Variants in MST1R observed in about 807,000 individuals in gnomAD.
MST1R encodes macrophage stimulating 1 receptor, also known as macrophage-stimulating protein receptor.
Under a neutral mutation model 117.8 loss-of-function variants are expected in MST1R, and 99 were observed. The observed-to-expected ratio is 0.84, with a 90% CI of 0.71 to 0.99. The LOEUF (loss-of-function observed/expected upper bound fraction) is 0.99, where lower values mean the gene tolerates loss of function less well. MST1R is among the 50% of genes least tolerant of loss of function. The pLI is 0.00. For missense variants in MST1R, 1,683 were observed against 1,840.2 expected, an observed-to-expected ratio of 0.91 and a Z score of 1.56; for synonymous variants, 734 against 765.3, an observed-to-expected ratio of 0.96 and a Z score of 0.68.
chr3:49,891,967 T>A (rs913849486), intron 14 of MST1R, 129 bp from the exon 15 acceptor site: 1 of 659,896 alleles, frequency 1.5e-6, no homozygotes, highest in Non-Finnish European at 2.5e-6. Context: ...TATTTTTAAT[T>A]TTTATTTATT....
Position 49,898,617 on chromosome 3 carries a change from C to A in MST1R, c.1620G>T (p.Trp540Cys), listed in dbSNP as rs747000944. Reference sequence around the variant, plus strand: ...CACACCAGCCACAGCCCATGAAATGCCATGCCCTTAGGCAACGCCCACAGG... The same window carrying A: ...CACACCAGCCACAGCCCATGAAATGACATGCCCTTAGGCAACGCCCACAGG... ...FLTCGRCLRA[W>C]HFMGCGWCGN... is the part of the protein sequence containing the mutation. The change falls in exon 4 of 20, where the codon TGG (tryptophan) becomes TGT (cysteine). Residue 540 changes from tryptophan to cysteine, a missense_variant. Transcript: ENST00000296474. The A allele has an allele frequency of 2.5e-6, 4 of 1,614,202 alleles. No individual in the cohort carries two copies. The highest frequency in any genetic ancestry group is 3.4e-6 in the Non-Finnish European group (4 of 1,180,042).
chr3:49,895,991 C>T lies in MST1R; in HGVS notation c.2766G>A (p.Leu922=). 1 of 1,585,286 alleles carries T rather than the reference C, an allele frequency of 6.3e-7. No individual in the cohort carries two copies. Among genetic ancestry groups the T allele is most frequent in the Non-Finnish European group, 8.6e-7 (1 of 1,165,480 alleles). ...DMVVCPLPPS[L]QLGQDGAPLQ... ...ATGGGGCACCATCCTGGCCAAGCTG[C>T]AGGGATGGGGGCAGGGGGCAGACAA... is the stretch of plus-strand genomic sequence containing the variant. The change falls in exon 11 of 20, where the codon CTG becomes CTA. Residue 922 remains leucine, a synonymous_variant. Transcript: ENST00000296474.
At chr3:49,889,601 GA>G (rs1429164404) in intron 19 of MST1R, among the ~76,000 whole-genome samples, 2 of 152,126 alleles carry the variant, frequency 1.3e-5, no homozygotes, top group Non-Finnish European at 2.9e-5. Flanking sequence ...ATCTTTCCTC[GA>G]GATTAAATGA....
rs960959457 is a variant in MST1R at position 49,903,868 on chromosome 3, T to G, written c.-259A>C. The stretch of plus-strand genomic sequence containing the variant: ...TCACCTGCCGCCCCAGCCGCCGCTG[T>G]ACACTGGCGCTTAGCGCTCAGCCGA... On this transcript the variant is annotated 5_prime_UTR_variant, in exon 1 of 20. Coordinates refer to ENST00000296474, the MANE Select transcript of MST1R (RefSeq NM_002447.4). The G allele has an allele frequency of 8.3e-6, 4 of 481,590 alleles. No homozygotes were observed. Among genetic ancestry groups the G allele is most frequent in the Non-Finnish European group, 1.1e-5 (3 of 277,324 alleles). 29.8% of individuals were successfully genotyped at this position (481,590 alleles called of 1,614,324 possible). A position where few individuals can be genotyped will look rare whatever the true frequency, so the allele number is the denominator to read the frequency against.
At position 49,897,580 on chromosome 3, in the gene MST1R, C is replaced by T; in HGVS notation, c.1986G>A (p.Met662Ile). 6.2e-7 allele frequency: 1 copy of T among 1,614,058 alleles called. No homozygotes were observed. Residue 662 changes from methionine (M) to isoleucine (I), a missense_variant, in exon 6 of 20, where the codon ATG becomes ATA. Physicochemically the swap from Met to Ile is conservative, Grantham distance 10. Transcript: ENST00000296474. Reference sequence around the variant, plus strand: ...CTACCCGGAAGTGCTTGCCCGGTGGCATGTTAGTCACGGTGAGGCTGACGT... The same window carrying T: ...CTACCCGGAAGTGCTTGCCCGGTGGTATGTTAGTCACGGTGAGGCTGACGT... Reference protein sequence around the residue: ...PTNVSLTVTNMPPGKHFRVDG... With the variant: ...PTNVSLTVTNIPPGKHFRVDG...
At chr3:49,898,014 C>T in intron 5 of MST1R, 37 bp downstream of exon 5, 1 of 1,613,836 alleles carries the variant, frequency 6.2e-7, no homozygotes, top group Non-Finnish European at 8.5e-7. Flanking sequence ...CTTGGTTTCC[C>T]CCTTCAGGGA....
At position 49,902,432 on chromosome 3, in the gene MST1R, C is replaced by G; in HGVS notation, c.1178G>C (p.Gly393Ala). Reference protein sequence around the residue: ...ERCCESPVHPGLRRGLDFFQS... With the variant: ...ERCCESPVHPALRRGLDFFQS... ...GAAGAAGTCGAGGCCTCGCCGGAGG[C>G]CTGGATGGACTGGGGATTCACAACA... The change falls in exon 1 of 20, where the codon GGC (glycine) becomes GCC (alanine). Residue 393 changes from glycine (G) to alanine (A), a missense_variant. Transcript: ENST00000296474. 5 of 1,614,172 alleles carry G rather than the reference C, an allele frequency of 3.1e-6. No homozygotes were observed. The highest frequency in any genetic ancestry group is 4.2e-6 in the Non-Finnish European group (5 of 1,180,040).
chr3:49,897,979 A>C, intron 5 of MST1R, 72 bp downstream of exon 5: 1 of 1,601,732 alleles, frequency 6.2e-7, no homozygotes, highest in Non-Finnish European at 8.5e-7. Context: ...TAAGCAGAGA[A>C]CAGGGTCTCA....
Position 49,899,161 on chromosome 3 carries a change from G to C in MST1R, c.1333C>G (p.Pro445Ala), listed in dbSNP as rs763900897. 5.6e-6 allele frequency: 9 copies of C among 1,614,134 alleles called. No individual in the cohort carries two copies. In the South Asian group the frequency reaches 9.9e-5, roughly 18 times the overall value. Residue 445 changes from proline to alanine, a missense_variant, in exon 2 of 20, where the codon CCA becomes GCA. Transcript: ENST00000296474. ...ACATACAATGCAGTGACCTGTACTG[G>C]TCCCAACAGCCCATTGAATAGGTCC... ...RVDLFNGLLG[P>A]VQVTALYVTR...
In MST1R at chr3:49,887,403, ATGCGAGG is replaced by A; in HGVS notation, c.4100_4106del (p.Thr1367MetfsTer3). ...GCTGTTCTGGACGCACATTCATCTC[ATGCGAGG>A]TGCTGGGGCCCAAGTTCATGTAGGT... On this transcript the variant is annotated frameshift_variant, in exon 20 of 20. Coordinates refer to ENST00000296474, the MANE Select transcript of MST1R (RefSeq NM_002447.4). LOFTEE classifies it low-confidence loss of function (END_TRUNC). The A allele has an allele frequency of 1.2e-6, 2 of 1,614,162 alleles. No individual in the cohort carries two copies. Among genetic ancestry groups the A allele is most frequent in the Non-Finnish European group, 1.7e-6 (2 of 1,179,992 alleles).
rs1422666716 is a variant in MST1R at position 49,891,477 on chromosome 3, T to C, written c.3456A>G (p.Pro1152=). The change falls in exon 16 of 20, where the codon CCA becomes CCG. Residue 1152 remains proline, a synonymous_variant. Transcript: ENST00000296474. The part of the protein sequence containing the change: ...NVLALIGIML[P]PEGLPHVLLP... ...GCAGCACATGGGGCAGGCCCTCAGG[T>C]GGCAACATGATACCAATGAGAGCCA... The C allele has an allele frequency of 4.3e-6, 7 of 1,613,912 alleles. No individual in the cohort carries two copies. The South Asian group carries it at 5.5e-5, about 13-fold the overall frequency.
chr3:49,894,777 C>A (rs971951228), intron 14 of MST1R, among the ~76,000 whole-genome samples: 6 of 151,398 alleles, frequency 4.0e-5, no homozygotes, highest in Non-Finnish European at 8.8e-5. Flanking sequence ...AAGGTTAGAG[C>A]AGTATCTGTT....
Position 49,896,619 on chromosome 3 carries a change from G to A in MST1R, c.2360C>T (p.Thr787Ile), listed in dbSNP as rs2082481374. 3 of 1,614,164 alleles carry A rather than the reference G, an allele frequency of 1.9e-6. No homozygotes were observed. Among genetic ancestry groups the A allele is most frequent in the Non-Finnish European group, 2.5e-6 (3 of 1,179,988 alleles). Reference sequence around the variant, plus strand: ...TGAAGTTAGATGCTGGCCACAGATGGTGATGTGGGAGTTGCTGTGGAAGAG... The same window carrying A: ...TGAAGTTAGATGCTGGCCACAGATGATGATGTGGGAGTTGCTGTGGAAGAG... ...PNCGYINSHI[T>I]ICGQHLTSAW... Residue 787 changes from threonine (T) to isoleucine (I), a missense_variant, in exon 9 of 20, where the codon ACC (threonine) becomes ATC (isoleucine). Thr to Ile is a moderately conservative substitution (Grantham distance 89). Transcript: ENST00000296474.
intron 2 of MST1R, 29 bp from the exon 3 acceptor site, chr3:49,899,024 G>A (rs2108475266): frequency 6.2e-7 from 1 of 1,614,134 alleles, no homozygotes; most frequent in Non-Finnish European, 8.5e-7. Context: ...GAGCAAAATG[G>A]GGATGGAGAC....
At chr3:49,887,888 T>C (rs2082209748) in intron 19 of MST1R, among the ~76,000 whole-genome samples, 1 of 152,238 alleles carries the variant, frequency 6.6e-6, no homozygotes, top group African/African-American at 2.4e-5. Flanking sequence ...GAAGTAGGCA[T>C]ATAGGCTGAT....
chr3:49,895,613 G>C, intron 12 of MST1R, 65 bp from the exon 13 acceptor site: 1 of 1,611,358 alleles, frequency 6.2e-7, no homozygotes, highest in Non-Finnish European at 8.5e-7. Flanking sequence ...CCTCTGGGGA[G>C]GACTTAGATC....
rs774518579 is a variant in MST1R, at chr3:49,903,030, C to T, written c.580G>A (p.Ala194Thr). 11 of 1,612,278 alleles carry T rather than the reference C, an allele frequency of 6.8e-6. No homozygotes were observed. The African/African-American group carries it at 1.3e-4, about 20-fold the overall frequency. ...GAGGATGCCACGTAGAAATAGGAGG[C>T]CTGGCCTTGCTCAACCACAGTTACA... ...TRVTVVEQGQ[A>T]SYFYVASSLD... The change falls in exon 1 of 20, where the codon GCC becomes ACC. Residue 194 changes from alanine to threonine, a missense_variant. Ala to Thr is a moderately conservative substitution (Grantham distance 58). Coordinates refer to ENST00000296474, the MANE Select transcript of MST1R (RefSeq NM_002447.4).
intron 12 of MST1R, 70 bp from the exon 13 acceptor site, chr3:49,895,618 T>G (rs2082440700): frequency 6.2e-7 from 1 of 1,611,600 alleles, no homozygotes; most frequent in African/African-American, 1.3e-5. Flanking sequence ...GGGGAGGACT[T>G]AGATCCCTAA....
Position 49,887,246 on chromosome 3 carries a change from G to T in MST1R, c.*61C>A. 6.3e-7 allele frequency: 1 copy of T among 1,591,342 alleles called. No individual in the cohort carries two copies. Among genetic ancestry groups the T allele is most frequent in the South Asian group, 1.1e-5 (1 of 87,358 alleles). On this transcript the variant is annotated 3_prime_UTR_variant, in exon 20 of 20. Transcript: ENST00000296474. ...GGGCCACTGCCCTCTGGCCTGGCAT[G>T]GCCCAGAGGCAGCTTGGGGTTAGCT...
Sources: allele counts gnomAD v4.1 joint callset (sites outside exome capture counted in the v4.1 genomes callset), GRCh38; gene constraint gnomAD v4.1.1; transcripts MANE v1.5; gene names NCBI Gene and HGNC (gene_info 2026-07-23, HGNC 2026-07-21).